Variants in RTKN observed in about 807,000 individuals in gnomAD.
RTKN encodes rhotekin.
RTKN carries 49 observed loss-of-function variants against 63.5 expected under a neutral mutation model. The observed-to-expected ratio is 0.77, with a 90% confidence interval of 0.61 to 0.98. RTKN has a LOEUF of 0.98. Ranked by LOEUF, RTKN falls within the 50% of genes least tolerant of loss-of-function variation. The pLI is 0.00. For synonymous variants in RTKN, 295 were observed against 290.4 expected, an observed-to-expected ratio of 1.02 and a Z score of -0.16; for missense variants, 685 against 740.8, an observed-to-expected ratio of 0.92 and a Z score of 0.87.
chr2:74,427,548 C>G lies in RTKN; in HGVS notation c.1131G>C (p.Arg377=), dbSNP rs1290478501. ...GGTTACTGATGCTTAGGGTGAAGGG[C>G]CGTCCTAGAGCCTGGTCCAGCTCCC... ...RAGELDQALG[R]PFTLSISNQY... Residue 377 remains arginine, a synonymous_variant, in exon 10 of 12, where the codon CGG becomes CGC. Coordinates refer to ENST00000272430, the MANE Select transcript of RTKN (RefSeq NM_001015055.2). 6.2e-7 allele frequency: 1 copy of G among 1,613,860 alleles called. No individual in the cohort carries two copies. Among genetic ancestry groups the G allele is most frequent in the Admixed American group, 1.7e-5 (1 of 60,014 alleles).
intron 1 of RTKN, chr2:74,439,727 T>G: frequency 6.4e-7 from 1 of 1,551,964 alleles, no homozygotes; most frequent in South Asian, 1.2e-5. Flanking sequence ...CCTCAGTCTT[T>G]AAAGAGGTGG....
intron 1 of RTKN, among the ~76,000 whole-genome samples, chr2:74,434,872 C>T (rs1326987402): frequency 6.6e-6 from 1 of 152,020 alleles, no homozygotes. Flanking sequence ...TGGAAAACTC[C>T]CCAAGTGATT....
In RTKN at chr2:74,426,564, C is replaced by CG; in HGVS notation, c.1370dup (p.Leu458AlafsTer3). ...CTGTCACCGCTGCGATGTCATCCAG[C>CG]GGCTCAATAGCTGTGGCACCAGGAA... On this transcript the variant is annotated frameshift_variant, in exon 12 of 12. Transcript: ENST00000272430. LOFTEE classifies it high-confidence loss of function. 6.5e-7 allele frequency: 1 copy of CG among 1,528,320 alleles called. No homozygotes were observed. Among genetic ancestry groups the CG allele is most frequent in the South Asian group, 1.3e-5 (1 of 77,848 alleles). The allele number at this position is 1,528,320 out of a possible 1,614,324, so 94.7% of individuals were successfully genotyped here.
intron 9 of RTKN, 145 bp downstream of exon 9, chr2:74,428,123 C>T (rs765491921): frequency 1.4e-4 from 141 of 983,082 alleles, no homozygotes; most frequent in Non-Finnish European, 2.0e-4. Context: ...GGGGAAAATA[C>T]GGGCCCCTGA....
chr2:74,428,248 A>G lies in RTKN; in HGVS notation c.1086+20T>C. On this transcript the variant is annotated intron_variant, in intron 9 of 11. Coordinates refer to ENST00000272430, the MANE Select transcript of RTKN (RefSeq NM_001015055.2). ...CTGGGCCTGTGCCCTTGGTGGCCTT[A>G]CTACCAAGGGACCCATCACCTTGTT... 1 of 1,614,108 alleles carries G rather than the reference A, an allele frequency of 6.2e-7. No homozygotes were observed. The highest frequency in any genetic ancestry group is 1.1e-5 in the South Asian group (1 of 91,082).
At chr2:74,440,329 GCT>G (rs1671294991) in intron 1 of RTKN, 1 of 982,788 alleles carries the variant, frequency 1.0e-6, no homozygotes, top group Non-Finnish European at 1.2e-6. Context: ...CATCCAGCCC[GCT>G]CCACCCTGGG....
chr2:74,440,103 G>C (rs766552015), intron 1 of RTKN: 72 of 643,208 alleles, frequency 1.1e-4, no homozygotes, highest in Non-Finnish European at 1.3e-4. Flanking sequence ...CAACTGGAAG[G>C]GGGCAGGGAA....
At chr2:74,439,574 G>A (rs191801087) in intron 1 of RTKN, 4 of 1,614,136 alleles carry the variant, frequency 2.5e-6, no homozygotes, top group East Asian at 4.5e-5. Flanking sequence ...GCCATCTGCC[G>A]AATGTAGAGC....
Position 74,433,257 on chromosome 2 carries a change from C to CATATAT in RTKN, c.112-597_112-592dup, listed in dbSNP as rs1262494465. 1.3e-3 allele frequency among the ~76,000 whole-genome samples: 191 copies of CATATAT among 144,386 alleles called. 2 individuals carry two copies. The highest frequency in any genetic ancestry group is 4.6e-3 in the African/African-American group (183 of 39,526). 94.7% of individuals were successfully genotyped at this position (144,386 alleles called of 152,430 possible). ...GACTCTGGCTCAAAAAAAAAAAAAACATATATATATATATATAAAACAAAT... is the reference window on the plus strand; with the variant it reads ...GACTCTGGCTCAAAAAAAAAAAAAACATATATATATATATATATATATAAAACAAAT... On this transcript the variant is annotated intron_variant, in intron 1 of 11. Coordinates refer to ENST00000272430, the MANE Select transcript of RTKN (RefSeq NM_001015055.2).
At chr2:74,430,820 A>G (rs1670707949) in intron 2 of RTKN, 143 bp from the exon 3 acceptor site, 2 of 767,152 alleles carry the variant, frequency 2.6e-6, no homozygotes, top group South Asian at 3.7e-5. Flanking sequence ...CTGAGGGACT[A>G]TAAGGGAAAG....
chr2:74,430,798 C>T (rs1043941000), intron 2 of RTKN, 121 bp from the exon 3 acceptor site: 8 of 963,508 alleles, frequency 8.3e-6, no homozygotes, highest in South Asian at 1.6e-5. Flanking sequence ...CCAGCCAGGC[C>T]GACAGGCAGG....
At chr2:74,429,137 C>T (rs1406161991) in intron 6 of RTKN, among the ~76,000 whole-genome samples, 195 bp from the exon 7 acceptor site, 1 of 152,214 alleles carries the variant, frequency 6.6e-6, no homozygotes, top group African/African-American at 2.4e-5. Flanking sequence ...TTTTATCCCA[C>T]TGTATTCCTA....
Position 74,425,881 on chromosome 2 carries a change from G to A in RTKN, c.*362C>T. ...CCCTGTCCTCAGGAGCCAGGTGAAG[G>A]CTGCTGTTAAATAACTTTAATGGTT... On this transcript the variant is annotated 3_prime_UTR_variant, in exon 12 of 12. Transcript: ENST00000272430. 1 of 1,012,976 alleles carries A rather than the reference G, an allele frequency of 9.9e-7. No individual in the cohort carries two copies. Among genetic ancestry groups the A allele is most frequent in the Non-Finnish European group, 1.4e-6 (1 of 706,216 alleles). 62.7% of individuals were successfully genotyped at this position (1,012,976 alleles called of 1,614,324 possible).
At chr2:74,434,468 C>G (rs376707788) in intron 1 of RTKN, among the ~76,000 whole-genome samples, 4 of 151,976 alleles carry the variant, frequency 2.6e-5, no homozygotes, top group African/African-American at 9.7e-5. Flanking sequence ...TTAGTAGAGA[C>G]GGGGTTGCAC....
rs139300970 is a variant in RTKN at position 74,438,066 on chromosome 2, AG to A, written c.111+3639del. ...ATCCAGGGAGTGGGGGCAGGGCTTG[AG>A]GGGGGACAGCACATACAATATCCTG... On this transcript the variant is annotated intron_variant, in intron 1 of 11. Transcript: ENST00000272430. 3.0e-3 allele frequency among the ~76,000 whole-genome samples: 462 copies of A among 152,154 alleles called. 1 individual carries two copies. The highest frequency in any genetic ancestry group is 0.01 in the African/African-American group (426 of 41,500).
chr2:74,441,471 C>T (rs1170422700), intron 1 of RTKN, among the ~76,000 whole-genome samples: 1 of 152,212 alleles, frequency 6.6e-6, no homozygotes, highest in Non-Finnish European at 1.5e-5. Flanking sequence ...CCAACCCGGG[C>T]TTTTTCCAGG....
chr2:74,430,181 C>A (rs561021342), intron 5 of RTKN, 71 bp downstream of exon 5: 2 of 1,543,286 alleles, frequency 1.3e-6, no homozygotes, highest in African/African-American at 1.4e-5. Context: ...CCAGCTTCCT[C>A]CCCTGGAACT....
At chr2:74,433,520 G>C (rs921658386) in intron 1 of RTKN, among the ~76,000 whole-genome samples, 2 of 145,128 alleles carry the variant, frequency 1.4e-5, no homozygotes, top group Non-Finnish European at 3.0e-5. Context: ...ACGGAGTCTC[G>C]CTCTGTTGCC....
rs747238362 is a variant in RTKN, at chr2:74,430,029, G to C, written c.554C>G (p.Ala185Gly). The C allele has an allele frequency of 6.2e-7, 1 of 1,614,186 alleles. No homozygotes were observed. Among genetic ancestry groups the C allele is most frequent in the Non-Finnish European group, 8.5e-7 (1 of 1,180,014 alleles). Residue 185 changes from alanine (A) to glycine (G), a missense_variant, in exon 6 of 12, where the codon GCG (alanine) becomes GGG (glycine). Physicochemically the swap from Ala to Gly is moderately conservative, Grantham distance 60. Transcript: ENST00000272430. Reference sequence around the variant, plus strand: ...TAACCGCAGTTCAAAGTCTGGCCCCGCCTCAGCGCTGGTGGGAGGAAGAAA... The same window carrying C: ...TAACCGCAGTTCAAAGTCTGGCCCCCCCTCAGCGCTGGTGGGAGGAAGAAA... ...SFQSNVLFAE[A>G]GPDFELRLEL... is the part of the protein sequence containing the mutation.
Sources: gnomAD v4.1 joint callset for allele counts (sites outside exome capture counted in the v4.1 genomes callset) on GRCh38, gnomAD v4.1.1 for gene constraint, MANE v1.5 for transcripts, NCBI Gene and HGNC (gene_info 2026-07-23, HGNC 2026-07-21) for gene names.